CTNNA2: variants seen among roughly 807,000 people sequenced by gnomAD.
CTNNA2 encodes the protein catenin alpha-2.
CTNNA2 carries 42 observed loss-of-function variants against 101.0 expected under a neutral mutation model. The ratio of observed to expected loss-of-function variants is 0.42; its 90% CI spans 0.32 to 0.54. The LOEUF is 0.54. Among genes scored for constraint, CTNNA2 ranks in the 20% least tolerant of loss-of-function variants. The pLI is 0.14. For synonymous variants in CTNNA2, 450 were observed against 456.4 expected (o/e 0.99, Z 0.18); for missense variants, 871 against 1,223.1 (o/e 0.71, Z 4.29).
intron 7 of CTNNA2, among the ~76,000 whole-genome samples, chr2:80,072,083 T>G (rs955119082): frequency 1.3e-5 from 2 of 152,102 alleles, no homozygotes; most frequent in Non-Finnish European, 2.9e-5. Context: ...CACTGAGAGC[T>G]CCACAAATTC....
intron 18 of CTNNA2, among the ~76,000 whole-genome samples, chr2:80,642,139 G>GAGC (rs1673564741): frequency 6.6e-6 from 1 of 152,254 alleles, no homozygotes; most frequent in South Asian, 2.1e-4. Context: ...TCTAGGTTGA[G>GAGC]AGCATTGATG....
chr2:80,459,231 G>A (rs1684227197), intron 9 of CTNNA2, among the ~76,000 whole-genome samples: 1 of 152,088 alleles, frequency 6.6e-6, no homozygotes, highest in South Asian at 2.1e-4. Context: ...CCTACTCAGT[G>A]ATCCATGAAT....
At chr2:79,951,274 C>T (rs1004368129) in intron 7 of CTNNA2, among the ~76,000 whole-genome samples, 1 of 152,190 alleles carries the variant, frequency 6.6e-6, no homozygotes, top group South Asian at 2.1e-4. Context: ...AACATATACA[C>T]AGCCACCCCG....
intron 7 of CTNNA2, among the ~76,000 whole-genome samples, chr2:80,028,590 ATATAT>A (rs1558741791): frequency 6.6e-6 from 1 of 152,232 alleles, no homozygotes; most frequent in African/African-American, 2.4e-5. Flanking sequence ...GACACCTGTA[ATATAT>A]TAAATGGCAA....
intron 2 of CTNNA2, among the ~76,000 whole-genome samples, chr2:79,225,173 T>C (rs895229424): frequency 2.0e-5 from 3 of 152,168 alleles, no homozygotes; most frequent in Admixed American, 6.5e-5. Flanking sequence ...AAAATAGATG[T>C]GTTTTTAGTT....
At chr2:79,351,722 A>C (rs1677392725) in intron 3 of CTNNA2, among the ~76,000 whole-genome samples, 1 of 152,296 alleles carries the variant, frequency 6.6e-6, no homozygotes. Flanking sequence ...CACTTATGAT[A>C]ATGTTTCCCA....
chr2:79,475,091 ACT>A (rs141117287), intron 4 of CTNNA2, among the ~76,000 whole-genome samples: 27,512 of 151,732 alleles, frequency 0.18, 2,605 homozygotes, highest in Middle Eastern at 0.3. Context: ...ACAAGTGAAG[ACT>A]CTGAGGAATT....
At chr2:79,306,774 C>T (rs1649286972) in intron 2 of CTNNA2, among the ~76,000 whole-genome samples, 1 of 152,158 alleles carries the variant, frequency 6.6e-6, no homozygotes, top group African/African-American at 2.4e-5. Flanking sequence ...ACATTCTCAC[C>T]AGAACCTGTT....
chr2:80,481,835 A>G (rs1686170702), intron 9 of CTNNA2, among the ~76,000 whole-genome samples: 3 of 152,118 alleles, frequency 2.0e-5, no homozygotes, highest in Admixed American at 2.0e-4. Flanking sequence ...AATATTAAAT[A>G]AGAAAAAAAA....
intron 7 of CTNNA2, among the ~76,000 whole-genome samples, chr2:80,142,271 A>T (rs1171084610): frequency 2.0e-5 from 3 of 152,120 alleles, no homozygotes; most frequent in South Asian, 2.1e-4. Context: ...CCTGTAAGTC[A>T]TTGGGAAGTT....
intron 8 of CTNNA2, among the ~76,000 whole-genome samples, chr2:80,411,813 AG>A (rs1679597131): frequency 6.6e-6 from 1 of 152,204 alleles, no homozygotes; most frequent in South Asian, 2.1e-4. Context: ...AATAGTAGCC[AG>A]TGATTTTTGA....
intron 1 of CTNNA2, among the ~76,000 whole-genome samples, chr2:79,644,855 G>T (rs1680697619): frequency 6.6e-6 from 1 of 151,874 alleles, no homozygotes; most frequent in African/African-American, 2.4e-5. Flanking sequence ...TACCTCTATT[G>T]CCTCCCATGA....
chr2:79,719,208 C>T (rs1018597090), intron 2 of CTNNA2, among the ~76,000 whole-genome samples: 6 of 152,026 alleles, frequency 3.9e-5, no homozygotes, highest in Admixed American at 2.0e-4. Flanking sequence ...AGGATTATGG[C>T]CTCCAGCTCT....
intron 8 of CTNNA2, among the ~76,000 whole-genome samples, chr2:80,398,655 GA>G (rs1187879713): frequency 2.2e-4 from 32 of 145,962 alleles, no homozygotes; most frequent in Non-Finnish European, 3.7e-4. Flanking sequence ...AGGAGTTCAA[GA>G]CCAGCCTGAC....
intron 7 of CTNNA2, among the ~76,000 whole-genome samples, chr2:80,231,133 C>T (rs1399652315): frequency 6.6e-6 from 1 of 151,986 alleles, no homozygotes. Context: ...TACCATCCCC[C>T]GCTAATTTTT....
chr2:80,303,053 C>G lies in CTNNA2; in HGVS notation c.1057-90158C>G, dbSNP rs1266559552. 6.2e-7 allele frequency: 1 copy of G among 1,613,942 alleles called. No individual in the cohort carries two copies. The highest frequency in any genetic ancestry group is 8.5e-7 in the Non-Finnish European group (1 of 1,180,006). On this transcript the variant is annotated intron_variant, in intron 7 of 18. Transcript: ENST00000402739. The surrounding 1 kb of genome is among the most constrained non-coding windows in gnomAD (Gnocchi z 7.7). The stretch of plus-strand genomic sequence containing the variant: ...CGACAAGTCCATTTTCTCCAGGTTC[C>G]AAACCCAGTCCAGCGAGCTGACCAC...
intron 9 of CTNNA2, among the ~76,000 whole-genome samples, chr2:80,438,408 CGTTT>C (rs1170885700): frequency 1.4e-5 from 2 of 144,878 alleles, no homozygotes; most frequent in Admixed American, 1.4e-4. Context: ...TTTTTTTTTC[CGTTT>C]GTTTGTTAGT....
At chr2:79,361,752 T>C (rs986657059) in intron 3 of CTNNA2, among the ~76,000 whole-genome samples, 9 of 152,218 alleles carry the variant, frequency 5.9e-5, no homozygotes, top group African/African-American at 9.6e-5. Flanking sequence ...ACTGAAGAAC[T>C]TGGAGTCAGA....
At chr2:80,574,849 CTGT>C (rs1558604294) in intron 13 of CTNNA2, among the ~76,000 whole-genome samples, 1 of 152,132 alleles carries the variant, frequency 6.6e-6, no homozygotes, top group African/African-American at 2.4e-5. Context: ...CTTCAGACTT[CTGT>C]TGTTAGGTAG....
Sources: gnomAD v4.1 joint callset for allele counts (sites outside exome capture counted in the v4.1 genomes callset) on GRCh38, gnomAD v4.1.1 for gene constraint, Gnocchi (gnomAD v3.1) non-coding constraint, MANE v1.5 for transcripts, NCBI Gene and HGNC (gene_info 2026-07-23, HGNC 2026-07-21) for gene names.